The following WDFY4 variants were observed in gnomAD, a reference collection of about 807,000 sequenced individuals.
The protein encoded by WDFY4 is WD repeat- and FYVE domain-containing protein 4.
Under a neutral mutation model 351.9 loss-of-function variants are expected in WDFY4, and 169 were observed. The observed-to-expected ratio is 0.48, with a 90% confidence interval of 0.42 to 0.55. The LOEUF (loss-of-function observed/expected upper bound fraction) is 0.55. WDFY4 is among the 20% of genes least tolerant of loss of function. WDFY4 has a pLI of 0.00. For missense variants in WDFY4, 3,803 were observed against 3,935.6 expected (o/e 0.97, Z 0.90); for synonymous variants, 1,622 against 1,574.6 (o/e 1.03, Z -0.71).
chr10:48,697,649 C>T (rs1466544225), intron 1 of WDFY4, among the ~76,000 whole-genome samples: 1 of 152,208 alleles, frequency 6.6e-6, no homozygotes, highest in Non-Finnish European at 1.5e-5. Flanking sequence ...AAGGCAATCC[C>T]TCTAACCAGA....
intron 39 of WDFY4, 95 bp downstream of exon 39, chr10:48,832,804 A>C (rs538878815): frequency 7.2e-7 from 1 of 1,389,658 alleles, no homozygotes; most frequent in South Asian, 1.7e-5. Flanking sequence ...ACTAGACATG[A>C]TCTAACTCCA....
chr10:48,968,523 C>T (rs1842189269), intron 55 of WDFY4: 1 of 154,258 alleles, frequency 6.5e-6, no homozygotes, highest in Non-Finnish European at 1.4e-5. Flanking sequence ...GTGGCCCCCA[C>T]CAGGAGGAAG....
At chr10:48,933,223 C>T (rs1432624559) in intron 47 of WDFY4, among the ~76,000 whole-genome samples, 3 of 152,170 alleles carry the variant, frequency 2.0e-5, no homozygotes, top group Non-Finnish European at 4.4e-5. Flanking sequence ...CAGGCTGGAA[C>T]TGCTAGAGGG....
chr10:48,835,863 T>C (rs1046413541), intron 39 of WDFY4, among the ~76,000 whole-genome samples: 3 of 152,260 alleles, frequency 2.0e-5, no homozygotes, highest in African/African-American at 7.2e-5. Flanking sequence ...ATGTTTTAAT[T>C]TTTAAAATTA....
chr10:48,865,281 G>T (rs1427556661), intron 39 of WDFY4, among the ~76,000 whole-genome samples: 1 of 152,198 alleles, frequency 6.6e-6, no homozygotes, highest in Admixed American at 6.5e-5. Context: ...TGTCATGAAA[G>T]GGTTTTAAAT....
chr10:48,826,767 C>A lies in WDFY4; in HGVS notation c.6079C>A (p.Gln2027Lys). 1.3e-6 allele frequency: 2 copies of A among 1,551,972 alleles called. No homozygotes were observed. The highest frequency in any genetic ancestry group is 1.7e-6 in the Non-Finnish European group (2 of 1,147,050). Residue 2027 changes from glutamine to lysine, a missense_variant, in exon 36 of 62, where the codon CAG becomes AAG. Transcript: ENST00000325239. ...VILYCLSKPQ[Q>K]SLSECLGLLS... ...TCTTTATTGCCTATCCAAGCCCCAGCAGTCCCTCTCCGAATGCCTCGGCCT... is the reference window on the plus strand; with the variant it reads ...TCTTTATTGCCTATCCAAGCCCCAGAAGTCCCTCTCCGAATGCCTCGGCCT...
intron 47 of WDFY4, among the ~76,000 whole-genome samples, chr10:48,933,892 T>A (rs917433539): frequency 6.6e-6 from 1 of 152,098 alleles, no homozygotes; most frequent in African/African-American, 2.4e-5. Flanking sequence ...TCACCCTTGA[T>A]ACTGGGTAAC....
intron 20 of WDFY4, among the ~76,000 whole-genome samples, chr10:48,787,953 T>TCTTCTTCTTCTC: frequency 1.1e-5 from 1 of 93,638 alleles, no homozygotes. Context: ...TTCTTCTTCT[T>TCTTCTTCTTCTC]CTTCTTCTTC....
chr10:48,725,905 T>C lies in WDFY4; in HGVS notation c.616T>C (p.Ser206Pro). The C allele has an allele frequency of 1.3e-6, 2 of 1,548,036 alleles. No individual in the cohort carries two copies. Among genetic ancestry groups the C allele is most frequent in the Middle Eastern group, 1.7e-4 (1 of 5,934 alleles). ...VQMLLNICSD[S>P]QGLEGLLSGS... Reference sequence around the variant, plus strand: ...GATGTTGCTCAATATTTGCAGTGACTCTCAGGGCCTGGAGGGACTCCTCTC... The same window carrying C: ...GATGTTGCTCAATATTTGCAGTGACCCTCAGGGCCTGGAGGGACTCCTCTC... Residue 206 changes from serine to proline, a missense_variant, in exon 6 of 62, where the codon TCT (serine) becomes CCT (proline). Physicochemically the swap from Ser to Pro is moderately conservative, Grantham distance 74 (BLOSUM62 -1). Around this residue, in one of 3 missense-constraint regions of WDFY4, gnomAD observed 488 missense variants for 456.8 expected, o/e 1.07. Coordinates refer to ENST00000325239, the MANE Select transcript of WDFY4 (RefSeq NM_001394531.1).
At chr10:48,699,116 AG>A (rs1334155480) in intron 1 of WDFY4, among the ~76,000 whole-genome samples, 2 of 152,204 alleles carry the variant, frequency 1.3e-5, no homozygotes, top group Non-Finnish European at 1.5e-5. Context: ...TTTTTGCCCC[AG>A]GGGGAGGTGA....
chr10:48,951,833 T>G (rs1027262193), intron 51 of WDFY4, among the ~76,000 whole-genome samples: 1 of 152,102 alleles, frequency 6.6e-6, no homozygotes, highest in African/African-American at 2.4e-5. Context: ...CTCTCAGGCC[T>G]GAGATCAGAC....
chr10:48,703,737 A>G (rs901142755), intron 1 of WDFY4, among the ~76,000 whole-genome samples: 4 of 152,206 alleles, frequency 2.6e-5, no homozygotes, highest in Non-Finnish European at 5.9e-5. Context: ...AGTCATCAAA[A>G]TGTTTACTTA....
chr10:48,882,159 A>G (rs1429460381), intron 43 of WDFY4, among the ~76,000 whole-genome samples: 1 of 151,874 alleles, frequency 6.6e-6, no homozygotes, highest in Non-Finnish European at 1.5e-5. Context: ...ATGCCTTAGG[A>G]CCCAGCTTGA....
chr10:48,913,690 G>T, intron 47 of WDFY4: 1 of 1,613,104 alleles, frequency 6.2e-7, no homozygotes, highest in African/African-American at 1.3e-5. Context: ...ATGTTGTTCA[G>T]TAGGTTGTCA....
At position 48,723,491 on chromosome 10, in the gene WDFY4, AC is replaced by A; in HGVS notation, c.517del (p.Leu173SerfsTer50). The A allele has an allele frequency of 6.4e-7, 1 of 1,551,136 alleles. No homozygotes were observed. Among genetic ancestry groups the A allele is most frequent in the Non-Finnish European group, 8.7e-7 (1 of 1,146,960 alleles). On this transcript the variant is annotated frameshift_variant, in exon 5 of 62. Transcript: ENST00000325239. LOFTEE classifies it high-confidence loss of function. ...CCAGCCCTGCTCCTACAGTGCCTTT[AC>A]CTCTTCTTTGTCTTTCCTCTGGACA... Reference protein sequence around the residue: ...GLPALLLQCLYLFFVFPLDKD... With the variant: ...GLPALLLQCLXLFFVFPLDKD...
chr10:48,786,908 T>C, intron 20 of WDFY4, 38 bp downstream of exon 20: 1 of 1,525,342 alleles, frequency 6.6e-7, no homozygotes. Flanking sequence ...CTTGCTGATA[T>C]TAGTTTTTAA....
chr10:48,896,044 CT>C (rs1837060501), intron 44 of WDFY4, among the ~76,000 whole-genome samples: 1 of 152,242 alleles, frequency 6.6e-6, no homozygotes, highest in Non-Finnish European at 1.5e-5. Context: ...TCTGTCCAGC[CT>C]GGGTCTTGCA....
chr10:48,752,941 A>G (rs940480644), intron 12 of WDFY4, among the ~76,000 whole-genome samples: 10 of 152,180 alleles, frequency 6.6e-5, no homozygotes, highest in African/African-American at 2.4e-4. Context: ...GGAACTGTAA[A>G]ACTGCCTATT....
At chr10:48,817,169 A>C in intron 31 of WDFY4, 76 bp from the exon 32 acceptor site, 5 of 1,492,448 alleles carry the variant, frequency 3.4e-6, no homozygotes, top group Non-Finnish European at 3.6e-6. Flanking sequence ...TCTTCTCCCT[A>C]GACCTCAGCT....
Sources: allele counts gnomAD v4.1 joint callset (sites outside exome capture counted in the v4.1 genomes callset), GRCh38; gene constraint gnomAD v4.1.1; regional missense constraint gnomAD v4.1.1; transcripts MANE v1.5; gene names NCBI Gene and HGNC (gene_info 2026-07-23, HGNC 2026-07-21).